The following RORB variants were observed in gnomAD, a reference collection of about 807,000 sequenced individuals.
The protein encoded by RORB is nuclear receptor ROR-beta.
RORB carries 6 observed loss-of-function variants against 59.1 expected under a neutral mutation model. That is an observed-to-expected ratio of 0.10 (90% CI 0.06 to 0.20). RORB has a LOEUF of 0.20. Among genes scored for constraint, RORB ranks in the 10% least tolerant of loss-of-function variants. RORB has a pLI of 1.00. For synonymous variants in RORB, 215 were observed against 204.5 expected (o/e 1.05, Z -0.44); for missense variants, 320 against 560.5 (o/e 0.57, Z 4.33).
At chr9:74,662,659 C>T (rs1050393116) in intron 6 of RORB, 53 bp downstream of exon 6, 22 of 1,590,710 alleles carry the variant, frequency 1.4e-5, no homozygotes, top group Non-Finnish European at 1.7e-5. Flanking sequence ...GTGGTCAGCC[C>T]TTAGCACTGT....
chr9:74,512,107 G>T (rs570596024), intron 1 of RORB, among the ~76,000 whole-genome samples: 1 of 152,080 alleles, frequency 6.6e-6, no homozygotes, highest in East Asian at 1.9e-4. Context: ...GTCTCTAAAG[G>T]CTCCTAATTG....
intron 1 of RORB, among the ~76,000 whole-genome samples, chr9:74,517,149 A>C (rs1406969221): frequency 6.6e-6 from 1 of 152,056 alleles, no homozygotes; most frequent in East Asian, 1.9e-4. Context: ...ATTTCATCTG[A>C]GTCTACTTTC....
chr9:74,551,241 A>G (rs1826603587), intron 1 of RORB, among the ~76,000 whole-genome samples: 1 of 152,146 alleles, frequency 6.6e-6, no homozygotes, highest in Non-Finnish European at 1.5e-5. Context: ...ATACAGTATG[A>G]TTTTTCCTTA....
intron 4 of RORB, among the ~76,000 whole-genome samples, chr9:74,655,565 G>A (rs1356889219): frequency 2.6e-5 from 4 of 152,146 alleles, no homozygotes; most frequent in Admixed American, 6.5e-5. Context: ...CATGTGGTTG[G>A]TCCCTAGAGA....
chr9:74,566,762 G>A (rs1017187530), intron 1 of RORB, among the ~76,000 whole-genome samples: 2 of 152,098 alleles, frequency 1.3e-5, no homozygotes, highest in African/African-American at 2.4e-5. Flanking sequence ...GTGCCACTGC[G>A]CTCCAACCTG....
chr9:74,621,303 T>C (rs1280844789), intron 1 of RORB, among the ~76,000 whole-genome samples: 1 of 152,232 alleles, frequency 6.6e-6, no homozygotes, highest in Non-Finnish European at 1.5e-5. Context: ...CTAATGATTT[T>C]TTTAATTATC....
At chr9:74,605,572 T>C (rs1799627358) in intron 1 of RORB, among the ~76,000 whole-genome samples, 1 of 152,200 alleles carries the variant, frequency 6.6e-6, no homozygotes, top group Non-Finnish European at 1.5e-5. Context: ...GTAGTCTGTC[T>C]TTGCTGGCAA....
chr9:74,611,316 C>G (rs1012866358), intron 1 of RORB, among the ~76,000 whole-genome samples: 1 of 152,062 alleles, frequency 6.6e-6, no homozygotes, highest in Non-Finnish European at 1.5e-5. Flanking sequence ...AATGCCAGAT[C>G]AAGGGGATGA....
intron 5 of RORB, 145 bp downstream of exon 5, chr9:74,660,883 G>T: frequency 1.3e-6 from 1 of 768,916 alleles, no homozygotes; most frequent in Non-Finnish European, 2.0e-6. Flanking sequence ...AGCATCCCTG[G>T]CCCTACCCAC....
intron 1 of RORB, among the ~76,000 whole-genome samples, chr9:74,603,740 T>C (rs1234564853): frequency 6.6e-6 from 1 of 152,248 alleles, no homozygotes; most frequent in Admixed American, 6.5e-5. Flanking sequence ...AGATAGTTTA[T>C]AGATGGCTCT....
intron 1 of RORB, among the ~76,000 whole-genome samples, chr9:74,555,964 T>A (rs1254866346): frequency 6.6e-6 from 1 of 152,204 alleles, no homozygotes; most frequent in Non-Finnish European, 1.5e-5. Context: ...ATTTTGGTGA[T>A]TTTTTAAAAT....
intron 1 of RORB, among the ~76,000 whole-genome samples, chr9:74,571,511 G>T (rs1822551320): frequency 6.6e-6 from 1 of 151,612 alleles, no homozygotes; most frequent in Admixed American, 6.6e-5. Context: ...ACTTGAAAAA[G>T]TTATCGTTGT....
chr9:74,551,906 T>C (rs922561184), intron 1 of RORB, among the ~76,000 whole-genome samples: 1 of 152,108 alleles, frequency 6.6e-6, no homozygotes, highest in Non-Finnish European at 1.5e-5. Flanking sequence ...GGACCAAATT[T>C]TTAGAGGATA....
At chr9:74,511,232 G>A (rs1247669688) in intron 1 of RORB, among the ~76,000 whole-genome samples, 1 of 151,856 alleles carries the variant, frequency 6.6e-6, no homozygotes, top group Non-Finnish European at 1.5e-5. Flanking sequence ...TTTATTTTAG[G>A]TACTGGGGAT....
intron 1 of RORB, among the ~76,000 whole-genome samples, chr9:74,504,638 G>C (rs896308454): frequency 5.3e-5 from 8 of 151,954 alleles, no homozygotes; most frequent in African/African-American, 1.9e-4. Context: ...ATGATATCAT[G>C]TGGTCCTGGC....
intron 1 of RORB, 73 bp from the exon 2 acceptor site, chr9:74,630,209 G>T: frequency 6.4e-7 from 1 of 1,570,710 alleles, no homozygotes. Flanking sequence ...GAGATAGATG[G>T]GGAGAGAGAT....
intron 1 of RORB, among the ~76,000 whole-genome samples, chr9:74,568,595 G>A (rs1036161155): frequency 9.3e-5 from 14 of 151,168 alleles, no homozygotes; most frequent in African/African-American, 3.4e-4. Flanking sequence ...AGCTACTCGG[G>A]AGGCTGAGGC....
chr9:74,520,271 G>T (rs1045450154), intron 1 of RORB, among the ~76,000 whole-genome samples: 27 of 151,836 alleles, frequency 1.8e-4, no homozygotes, highest in African/African-American at 6.5e-4. Flanking sequence ...AAGCAATTTT[G>T]CCACACAAAT....
In RORB at chr9:74,536,549, C is replaced by G. The variant is rs143417705; in HGVS notation, c.7+38566C>G. ...TATTTGGTAAATTAATTATAAACAA[C>G]TGTAAACCTCCCTGCTCTCACTTTC... is the stretch of plus-strand genomic sequence containing the variant. On this transcript the variant is annotated intron_variant, in intron 1 of 9. Transcript: ENST00000376896. 2.0e-4 allele frequency among the ~76,000 whole-genome samples: 30 copies of G among 152,098 alleles called. No individual in the cohort carries two copies. The East Asian group carries it at 3.1e-3, about 16-fold the overall frequency.
Sources: allele counts gnomAD v4.1 joint callset (sites outside exome capture counted in the v4.1 genomes callset), GRCh38; gene constraint gnomAD v4.1.1; transcripts MANE v1.5; gene names NCBI Gene and HGNC (gene_info 2026-07-23, HGNC 2026-07-21).